RPGR: variants seen among roughly 807,000 people sequenced by gnomAD.
RPGR encodes retinitis pigmentosa GTPase regulator.
In RPGR, 10 loss-of-function variants were observed where a neutral mutation model predicts 56.3. The ratio of observed to expected loss-of-function variants is 0.18; its 90% CI spans 0.11 to 0.30. RPGR has a LOEUF of 0.30. Ranked by LOEUF, RPGR falls within the 10% of genes least tolerant of loss-of-function variation. The pLI, the probability that RPGR is intolerant of heterozygous loss-of-function variation, is 1.00. For missense variants in RPGR, 538 were observed against 590.9 expected (o/e 0.91, Z 0.93); for synonymous variants, 197 against 212.9 (o/e 0.93, Z 0.65).
chrX:38,280,944 C>A (rs1202173125), intron 15 of RPGR, among the ~76,000 whole-genome samples: 15 of 111,985 alleles, frequency 1.3e-4, no homozygotes, highest in African/African-American at 4.6e-4. Flanking sequence ...CCAGACTGCA[C>A]CCATGGGCTG....
At chrX:38,292,042 G>A (rs1001709744) in intron 11 of RPGR, among the ~76,000 whole-genome samples, 6 of 107,901 alleles carry the variant, frequency 5.6e-5, no homozygotes, top group African/African-American at 2.1e-4. Context: ...CTAATCACTT[G>A]CTCTGTAGGA....
At chrX:38,273,017 A>C (rs1263372655) in intron 18 of RPGR, among the ~76,000 whole-genome samples, 1 of 112,172 alleles carries the variant, frequency 8.9e-6, no homozygotes, top group Non-Finnish European at 1.9e-5. Context: ...AAGAAAGAAG[A>C]GGTGATAGGC....
intron 6 of RPGR, among the ~76,000 whole-genome samples, chrX:38,312,892 G>A (rs908314498): frequency 1.8e-5 from 2 of 110,314 alleles, no homozygotes; most frequent in African/African-American, 3.3e-5. Flanking sequence ...ACAGTGAGCC[G>A]TGATTATGCC....
intron 8 of RPGR, among the ~76,000 whole-genome samples, chrX:38,304,263 A>C (rs1365024143): frequency 9.2e-6 from 1 of 108,823 alleles, no homozygotes; most frequent in African/African-American, 3.3e-5. Context: ...ACTGAATAGG[A>C]AGAATGTTTT....
intron 6 of RPGR, among the ~76,000 whole-genome samples, chrX:38,313,331 C>T (rs974178564): frequency 4.5e-5 from 5 of 112,117 alleles, no homozygotes; most frequent in Non-Finnish European, 9.4e-5. Context: ...TGGTCTAGCA[C>T]AGTAGCAAAA....
chrX:38,323,486 C>A lies in RPGR; in HGVS notation c.67G>T (p.Ala23Ser). Residue 23 changes from alanine (A) to serine (S), a missense_variant, in exon 2 of 19, where the codon GCT (alanine) becomes TCT (serine). Physicochemically the swap from Ala to Ser is moderately conservative, Grantham distance 99. Transcript: ENST00000642395. ...CAGAATTTACCGGGATTATTTTCAG[C>A]AAATTTACTTTTCCCAAATGTAAAC... 8.3e-7 allele frequency: 1 copy of A among 1,208,991 alleles called. No homozygotes were observed. Among genetic ancestry groups the A allele is most frequent in the South Asian group, 1.8e-5 (1 of 56,855 alleles).
intron 7 of RPGR, among the ~76,000 whole-genome samples, chrX:38,305,842 T>C (rs1467760342): frequency 2.7e-5 from 3 of 111,340 alleles, no homozygotes; most frequent in African/African-American, 9.8e-5. Context: ...TTTCAGAGAA[T>C]TGTCTTGAGA....
At position 38,295,273 on chromosome X, in the gene RPGR, T is replaced by G. The variant is rs1055149224; in HGVS notation, c.1414+2011A>C. Among the ~76,000 whole-genome samples, 4 of 112,135 alleles carry G rather than the reference T, an allele frequency of 3.6e-5. No individual in the cohort carries two copies. The East Asian group carries it at 1.1e-3, about 31-fold the overall frequency. On this transcript the variant is annotated intron_variant, in intron 11 of 18. Transcript: ENST00000642395. ...GTGTAGCCATCTCTTTCTTATCCTT[T>G]AGCTTAAATGACAACTCCTTAGTAA...
chrX:38,291,462 G>C lies in RPGR; in HGVS notation c.1437C>G (p.Thr479=), dbSNP rs1048927882. Residue 479 remains threonine (T), a synonymous_variant, in exon 12 of 19, where the codon ACC becomes ACG. Coordinates refer to ENST00000642395, the MANE Select transcript of RPGR (RefSeq NM_000328.3). ...AAGAATTATCTATCTCTGCTTCTTTGGTCATTTCATCTAGCAAATAATCTG... is the reference window on the plus strand; with the variant it reads ...AAGAATTATCTATCTCTGCTTCTTTCGTCATTTCATCTAGCAAATAATCTG... 3 of 1,154,344 alleles carry C rather than the reference G, an allele frequency of 2.6e-6. No individual in the cohort carries two copies. The highest frequency in any genetic ancestry group is 2.4e-4 in the Middle Eastern group (1 of 4,214).
At chrX:38,276,514 T>C (rs757711347) in intron 16 of RPGR, 46 of 1,034,948 alleles carry the variant, frequency 4.4e-5, no homozygotes, top group Admixed American at 2.2e-4. Context: ...AACTGGAATC[T>C]GTCCTCTGCA....
At chrX:38,273,746 T>G (rs945379638) in intron 17 of RPGR, 2 of 225,127 alleles carry the variant, frequency 8.9e-6, no homozygotes, top group African/African-American at 5.6e-5. Context: ...AGAGAAGACT[T>G]CTGTAAAATA....
At chrX:38,305,562 G>A (rs762118176) in intron 7 of RPGR, among the ~76,000 whole-genome samples, 76 of 109,178 alleles carry the variant, frequency 7.0e-4, no homozygotes, top group African/African-American at 2.4e-3. Flanking sequence ...TCTGGCCAAC[G>A]TGGTGAAACC....
intron 8 of RPGR, among the ~76,000 whole-genome samples, chrX:38,301,889 T>A (rs771715266): frequency 4.5e-5 from 5 of 111,161 alleles, no homozygotes; most frequent in African/African-American, 1.3e-4. Flanking sequence ...TAAATGCCAG[T>A]AGGACAACTC....
intron 7 of RPGR, among the ~76,000 whole-genome samples, chrX:38,306,582 T>C (rs5917558): frequency 0.14 from 15,190 of 112,104 alleles, 915 homozygotes; most frequent in Middle Eastern, 0.24. Context: ...AAAACAGATC[T>C]TTATTTTAAT....
intron 18 of RPGR, among the ~76,000 whole-genome samples, chrX:38,270,546 C>T (rs1277123205): frequency 1.9e-5 from 2 of 105,541 alleles, no homozygotes; most frequent in Non-Finnish European, 3.9e-5. Flanking sequence ...TGGCGTGAAC[C>T]CGGGAGGCGG....
At chrX:38,288,492 G>A (rs947753576) in intron 13 of RPGR, among the ~76,000 whole-genome samples, 12 of 111,370 alleles carry the variant, frequency 1.1e-4, no homozygotes, top group Non-Finnish European at 1.9e-5. Context: ...ATTACCTAAG[G>A]TCAGGAGTTC....
intron 1 of RPGR, 89 bp downstream of exon 1, chrX:38,327,251 T>A: frequency 1.0e-6 from 1 of 954,751 alleles, no homozygotes; most frequent in African/African-American, 1.9e-5. Flanking sequence ...CTGGGGCCTG[T>A]CCCCCTACAG....
At chrX:38,281,387 AT>A (rs1264601787) in intron 15 of RPGR, among the ~76,000 whole-genome samples, 1 of 112,686 alleles carries the variant, frequency 8.9e-6, no homozygotes, top group African/African-American at 3.2e-5. Context: ...ATTTAGGGGC[AT>A]TTATTGACTA....
chrX:38,308,561 TATTAA>T (rs756104070), intron 7 of RPGR, among the ~76,000 whole-genome samples: 33 of 112,009 alleles, frequency 2.9e-4, no homozygotes, highest in African/African-American at 1.0e-3. Flanking sequence ...CTGAATGACC[TATTAA>T]ATTAATTCTT....
Sources: gnomAD v4.1 joint callset for allele counts (sites outside exome capture counted in the v4.1 genomes callset) on GRCh38, gnomAD v4.1.1 for gene constraint, MANE v1.5 for transcripts, NCBI Gene and HGNC (gene_info 2026-07-23, HGNC 2026-07-21) for gene names.